The following KIAA0825 variants were observed in gnomAD, a reference collection of about 807,000 sequenced individuals.
The protein encoded by KIAA0825 is uncharacterized protein KIAA0825.
A neutral mutation model predicts 147.6 loss-of-function variants in KIAA0825; 119 were observed. That is an observed-to-expected ratio of 0.81 (90% CI 0.69 to 0.94). KIAA0825 has a LOEUF of 0.94. Among genes scored for constraint, KIAA0825 ranks in the 40% least tolerant of loss-of-function variants. The pLI, the probability that KIAA0825 is intolerant of heterozygous loss-of-function variation, is 0.00. For synonymous variants in KIAA0825, 470 were observed against 518.1 expected (o/e 0.91, Z 1.26); for missense variants, 1,381 against 1,472.7 (o/e 0.94, Z 1.02).
intron 20 of KIAA0825, among the ~76,000 whole-genome samples, chr5:94,304,289 A>G (rs182986855): frequency 5.3e-5 from 8 of 152,216 alleles, no homozygotes; most frequent in Non-Finnish European, 8.8e-5. Context: ...TCCCTGTGGC[A>G]TAAGTGTATG....
At chr5:94,609,546 AC>A (rs1215926410) in intron 1 of KIAA0825, among the ~76,000 whole-genome samples, 1 of 152,184 alleles carries the variant, frequency 6.6e-6, no homozygotes, top group Non-Finnish European at 1.5e-5. Flanking sequence ...GATTACTGAG[AC>A]CAAAAGTTTG....
chr5:94,497,476 G>A (rs1192188041), intron 5 of KIAA0825, among the ~76,000 whole-genome samples: 1 of 152,112 alleles, frequency 6.6e-6, no homozygotes, highest in Admixed American at 6.5e-5. Flanking sequence ...TAGGTGGAAA[G>A]CACGAATACT....
intron 7 of KIAA0825, 44 bp downstream of exon 7, chr5:94,477,067 A>G: frequency 7.9e-7 from 1 of 1,270,304 alleles, no homozygotes; most frequent in East Asian, 2.5e-5. Flanking sequence ...GCATATGATG[A>G]TATTATATGT....
At chr5:94,356,526 G>A (rs950345977) in intron 20 of KIAA0825, among the ~76,000 whole-genome samples, 10 of 151,310 alleles carry the variant, frequency 6.6e-5, no homozygotes, top group African/African-American at 2.2e-4. Flanking sequence ...GCAGGAGAAT[G>A]GCGTGCACCC....
chr5:94,467,579 A>G (rs1478136987), intron 10 of KIAA0825, among the ~76,000 whole-genome samples: 5 of 152,264 alleles, frequency 3.3e-5, no homozygotes, highest in Non-Finnish European at 2.9e-5. Flanking sequence ...GCACCTCATC[A>G]GAGAGATACA....
chr5:94,422,812 C>T (rs780706110), intron 14 of KIAA0825, among the ~76,000 whole-genome samples: 24 of 152,142 alleles, frequency 1.6e-4, no homozygotes, highest in Admixed American at 3.3e-4. Flanking sequence ...TCCACTTTGC[C>T]TCCCTCAATC....
chr5:94,445,137 C>T (rs747886607), intron 13 of KIAA0825, among the ~76,000 whole-genome samples: 6 of 152,154 alleles, frequency 3.9e-5, no homozygotes, highest in Non-Finnish European at 8.8e-5. Flanking sequence ...TTATTGGTCC[C>T]TGTCTATAAG....
intron 11 of KIAA0825, 151 bp downstream of exon 11, chr5:94,464,718 A>G (rs559220807): frequency 4.4e-6 from 3 of 678,262 alleles, no homozygotes; most frequent in East Asian, 2.8e-5. Flanking sequence ...ATTTCCACTT[A>G]AATAACTCAG....
intron 20 of KIAA0825, among the ~76,000 whole-genome samples, chr5:94,328,004 CA>C (rs559939410): frequency 6.7e-6 from 1 of 149,528 alleles, no homozygotes. Flanking sequence ...GACTCCGTCT[CA>C]AAAAAAAAGA....
chr5:94,187,744 A>T (rs901990876), intron 20 of KIAA0825, among the ~76,000 whole-genome samples: 4 of 152,154 alleles, frequency 2.6e-5, no homozygotes, highest in Non-Finnish European at 5.9e-5. Flanking sequence ...TTTTTAAAAA[A>T]CAAATTCCAA....
intron 20 of KIAA0825, among the ~76,000 whole-genome samples, chr5:94,322,039 G>C (rs530994763): frequency 1.3e-5 from 2 of 151,996 alleles, no homozygotes; most frequent in South Asian, 4.1e-4. Context: ...AAAATTTCAA[G>C]AGGCAAGTTA....
intron 20 of KIAA0825, among the ~76,000 whole-genome samples, chr5:94,276,401 G>A (rs911925038): frequency 6.6e-6 from 1 of 152,030 alleles, no homozygotes; most frequent in Non-Finnish European, 1.5e-5. Flanking sequence ...GAAATTGGTG[G>A]AGTAGGGTGA....
intron 20 of KIAA0825, among the ~76,000 whole-genome samples, chr5:94,294,609 C>G (rs1156311050): frequency 7.9e-5 from 12 of 152,132 alleles, no homozygotes; most frequent in Admixed American, 6.5e-4. Context: ...ACCTGTAATC[C>G]CAGATACTCA....
At chr5:94,415,034 G>A (rs931367944) in intron 15 of KIAA0825, 1 of 152,198 alleles carries the variant, frequency 6.6e-6, no homozygotes, top group African/African-American at 2.4e-5. Context: ...GCTGCCTTAG[G>A]AGAGAGGAGA....
chr5:94,322,340 C>T (rs1211712622), intron 20 of KIAA0825, among the ~76,000 whole-genome samples: 3 of 151,654 alleles, frequency 2.0e-5, no homozygotes, highest in Admixed American at 1.3e-4. Flanking sequence ...AGGTAAATAA[C>T]CTAAAAAGAC....
At chr5:94,447,127 A>G (rs1047832237) in intron 13 of KIAA0825, among the ~76,000 whole-genome samples, 1 of 152,114 alleles carries the variant, frequency 6.6e-6, no homozygotes, top group African/African-American at 2.4e-5. Context: ...AGATTTGGTT[A>G]TGGTGAGTTT....
intron 1 of KIAA0825, chr5:94,615,761 G>A (rs1198772920): frequency 6.6e-6 from 1 of 151,680 alleles, no homozygotes; most frequent in Non-Finnish European, 1.5e-5. Flanking sequence ...TTTAAAAAAT[G>A]TACAAATACT....
chr5:94,349,152 A>G (rs1212342236), intron 20 of KIAA0825, among the ~76,000 whole-genome samples: 1 of 152,224 alleles, frequency 6.6e-6, no homozygotes, highest in Non-Finnish European at 1.5e-5. Context: ...CTATTCTTAT[A>G]TCAAACAAAA....
At chr5:94,367,184 T>G (rs1239097996) in intron 20 of KIAA0825, among the ~76,000 whole-genome samples, 3 of 152,184 alleles carry the variant, frequency 2.0e-5, no homozygotes, top group Non-Finnish European at 4.4e-5. Context: ...GAGGAAATTC[T>G]TTGAAGAGGA....
Sources: allele counts gnomAD v4.1 joint callset (sites outside exome capture counted in the v4.1 genomes callset), GRCh38; gene constraint gnomAD v4.1.1; transcripts MANE v1.5; gene names NCBI Gene and HGNC (gene_info 2026-07-23, HGNC 2026-07-21).